The following BZW2 variants were observed in gnomAD, a reference collection of about 807,000 sequenced individuals.
The protein encoded by BZW2 is basic leucine zipper and W2 domains 2, also known as eIF5-mimic protein 1.
BZW2 carries 23 observed loss-of-function variants against 53.2 expected under a neutral mutation model. The ratio of observed to expected loss-of-function variants is 0.43; its 90% CI spans 0.31 to 0.61. The LOEUF is 0.61. Ranked by LOEUF, BZW2 falls within the 20% of genes least tolerant of loss-of-function variation. The pLI is 0.09. For synonymous variants in BZW2, 227 were observed against 186.4 expected, an observed-to-expected ratio of 1.22 and a Z score of -1.77; for missense variants, 409 against 503.1, an observed-to-expected ratio of 0.81 and a Z score of 1.79.
chr7:16,699,990 C>G (rs936821399), intron 10 of BZW2, among the ~76,000 whole-genome samples: 2 of 152,138 alleles, frequency 1.3e-5, no homozygotes, highest in African/African-American at 4.8e-5. Context: ...ACTAGGTAAT[C>G]AGCGTTTAAA....
At chr7:16,658,042 C>G (rs1406838724) in intron 1 of BZW2, among the ~76,000 whole-genome samples, 2 of 152,104 alleles carry the variant, frequency 1.3e-5, no homozygotes, top group Admixed American at 6.6e-5. Context: ...GTTGAAAGAC[C>G]TAAGAATGAC....
chr7:16,701,107 C>G (rs879604714), intron 10 of BZW2, among the ~76,000 whole-genome samples: 1 of 151,944 alleles, frequency 6.6e-6, no homozygotes, highest in Non-Finnish European at 1.5e-5. Flanking sequence ...AGCAAATAAA[C>G]TAAATAATGC....
At chr7:16,647,441 C>T (rs1403757854) in intron 1 of BZW2, among the ~76,000 whole-genome samples, 1 of 152,194 alleles carries the variant, frequency 6.6e-6, no homozygotes, top group Non-Finnish European at 1.5e-5. Context: ...CTTTCACTAA[C>T]ATCTGAAATC....
intron 2 of BZW2, among the ~76,000 whole-genome samples, chr7:16,672,468 A>G (rs1264765685): frequency 6.6e-6 from 1 of 151,890 alleles, no homozygotes; most frequent in African/African-American, 2.4e-5. Flanking sequence ...TTTATGAAAT[A>G]TTTTTATAGT....
At chr7:16,689,743 T>C in intron 6 of BZW2, 54 bp from the exon 7 acceptor site, 2 of 1,473,200 alleles carry the variant, frequency 1.4e-6, no homozygotes, top group South Asian at 2.5e-5. Context: ...TTGCACACCA[T>C]CACAATTGGT....
intron 2 of BZW2, among the ~76,000 whole-genome samples, chr7:16,665,926 A>G (rs1010106698): frequency 2.6e-5 from 4 of 152,206 alleles, no homozygotes; most frequent in Non-Finnish European, 5.9e-5. Context: ...GAAGAAGTCA[A>G]AATAAATCTA....
At chr7:16,652,644 C>A (rs1782015103) in intron 1 of BZW2, among the ~76,000 whole-genome samples, 2 of 152,156 alleles carry the variant, frequency 1.3e-5, no homozygotes, top group Admixed American at 1.3e-4. Context: ...CCTGCCTCAG[C>A]CTACCGAGTA....
At chr7:16,670,281 G>A (rs1244241661) in intron 2 of BZW2, among the ~76,000 whole-genome samples, 2 of 152,180 alleles carry the variant, frequency 1.3e-5, no homozygotes, top group Non-Finnish European at 2.9e-5. Context: ...TTTTGGAATG[G>A]GAGGATGAAG....
intron 7 of BZW2, among the ~76,000 whole-genome samples, chr7:16,692,608 C>G (rs1783344487): frequency 6.6e-6 from 1 of 151,898 alleles, no homozygotes; most frequent in Non-Finnish European, 1.5e-5. Flanking sequence ...ACTAAAAATA[C>G]AAAAAATTAG....
At chr7:16,681,889 A>G (rs974916223) in intron 4 of BZW2, among the ~76,000 whole-genome samples, 1 of 152,180 alleles carries the variant, frequency 6.6e-6, no homozygotes, top group Non-Finnish European at 1.5e-5. Context: ...TCTTGTGGGA[A>G]TTTAAATATT....
At chr7:16,655,251 T>C (rs1187519284) in intron 1 of BZW2, among the ~76,000 whole-genome samples, 1 of 152,254 alleles carries the variant, frequency 6.6e-6, no homozygotes, top group Non-Finnish European at 1.5e-5. Context: ...CATAAATCTA[T>C]TAATTAAAAG....
At chr7:16,647,574 C>T (rs1162007453) in intron 1 of BZW2, among the ~76,000 whole-genome samples, 1 of 152,188 alleles carries the variant, frequency 6.6e-6, no homozygotes, top group African/African-American at 2.4e-5. Flanking sequence ...GAACATCTTA[C>T]ATGAAAATGG....
At chr7:16,658,308 G>C (rs1237678755) in intron 1 of BZW2, among the ~76,000 whole-genome samples, 1 of 152,206 alleles carries the variant, frequency 6.6e-6, no homozygotes, top group African/African-American at 2.4e-5. Flanking sequence ...GATAAAGTAA[G>C]TGACATTGTG....
chr7:16,651,673 A>T (rs940120076), intron 1 of BZW2, among the ~76,000 whole-genome samples: 1 of 152,136 alleles, frequency 6.6e-6, no homozygotes, highest in African/African-American at 2.4e-5. Flanking sequence ...TAAAAACTGT[A>T]TCCTATAGTG....
intron 1 of BZW2, among the ~76,000 whole-genome samples, chr7:16,652,073 G>T (rs1040569141): frequency 2.0e-5 from 3 of 152,092 alleles, no homozygotes; most frequent in Non-Finnish European, 4.4e-5. Context: ...AGCTCCAGAT[G>T]GGCAGGGATC....
intron 5 of BZW2, among the ~76,000 whole-genome samples, chr7:16,684,459 G>A (rs1783052829): frequency 6.6e-6 from 1 of 151,950 alleles, no homozygotes; most frequent in African/African-American, 2.4e-5. Flanking sequence ...TGAGCAATGT[G>A]GTTATTATTT....
At chr7:16,691,305 T>C (rs1783297206) in intron 7 of BZW2, among the ~76,000 whole-genome samples, 1 of 152,190 alleles carries the variant, frequency 6.6e-6, no homozygotes, top group South Asian at 2.1e-4. Flanking sequence ...CTAGTGGACT[T>C]AGGGCAAATC....
intron 1 of BZW2, among the ~76,000 whole-genome samples, chr7:16,656,555 G>GCGCGCACACA (rs1321463865): frequency 1.3e-4 from 19 of 141,302 alleles, no homozygotes; most frequent in African/African-American, 4.5e-4. Flanking sequence ...GCGCGCGCGC[G>GCGCGCACACA]CACACACACA....
intron 10 of BZW2, among the ~76,000 whole-genome samples, chr7:16,701,278 C>G (rs1783658350): frequency 1.3e-5 from 2 of 151,898 alleles, no homozygotes; most frequent in African/African-American, 4.8e-5. Context: ...CTTCTTTTTT[C>G]CCTGAAGATA....
Sources: allele counts gnomAD v4.1 joint callset (sites outside exome capture counted in the v4.1 genomes callset), GRCh38; gene constraint gnomAD v4.1.1; transcripts MANE v1.5; gene names NCBI Gene and HGNC (gene_info 2026-07-23, HGNC 2026-07-21).